ITFG1: variants seen among roughly 807,000 people sequenced by gnomAD.
The protein encoded by ITFG1 is T-cell immunomodulatory protein.
In ITFG1, 34 loss-of-function variants were observed where a neutral mutation model predicts 81.8. That is an observed-to-expected ratio of 0.42 (90% confidence interval 0.32 to 0.55). The LOEUF is 0.55. Among genes scored for constraint, ITFG1 ranks in the 20% least tolerant of loss-of-function variants. ITFG1 has a pLI of 0.17. For missense variants in ITFG1, 672 were observed against 755.4 expected (o/e 0.89, Z 1.29); for synonymous variants, 285 against 270.6 (o/e 1.05, Z -0.52).
chr16:47,230,960 G>C (rs1298660148), intron 13 of ITFG1, among the ~76,000 whole-genome samples: 3 of 152,202 alleles, frequency 2.0e-5, no homozygotes, highest in Non-Finnish European at 4.4e-5. Context: ...GTGTTAGCCA[G>C]GATGGTCTTA....
At chr16:47,349,085 G>A (rs534480029) in intron 8 of ITFG1, among the ~76,000 whole-genome samples, 11 of 152,190 alleles carry the variant, frequency 7.2e-5, no homozygotes, top group African/African-American at 1.9e-4. Context: ...AGGAACAACC[G>A]GTACCAGCCA....
At chr16:47,280,182 G>A (rs1966437094) in intron 10 of ITFG1, among the ~76,000 whole-genome samples, 1 of 152,098 alleles carries the variant, frequency 6.6e-6, no homozygotes, top group African/African-American at 2.4e-5. Flanking sequence ...ACACAAACTT[G>A]CCTTATTCTC....
At chr16:47,394,083 C>G (rs143029775) in intron 6 of ITFG1, among the ~76,000 whole-genome samples, 2 of 152,252 alleles carry the variant, frequency 1.3e-5, no homozygotes, top group Non-Finnish European at 2.9e-5. Context: ...TGCAGAGCAG[C>G]AGGATTTAAG....
chr16:47,380,763 C>A (rs1968386722), intron 6 of ITFG1, among the ~76,000 whole-genome samples: 1 of 152,096 alleles, frequency 6.6e-6, no homozygotes. Context: ...GTTTGTCTTT[C>A]CTGTTTTCAA....
At chr16:47,259,414 A>C (rs185611522) in intron 11 of ITFG1, among the ~76,000 whole-genome samples, 46 of 152,330 alleles carry the variant, frequency 3.0e-4, no homozygotes, top group Non-Finnish European at 4.3e-4. Context: ...AGAAATTAAA[A>C]ATGGATTTGT....
chr16:47,322,715 A>G (rs1967467352), intron 8 of ITFG1, among the ~76,000 whole-genome samples: 1 of 152,164 alleles, frequency 6.6e-6, no homozygotes, highest in African/African-American at 2.4e-5. Flanking sequence ...AAATACGAAT[A>G]CACTGTGGAA....
chr16:47,345,768 A>T (rs764345491), intron 8 of ITFG1, among the ~76,000 whole-genome samples: 1 of 152,230 alleles, frequency 6.6e-6, no homozygotes. Flanking sequence ...TAGAAAAGGT[A>T]CAGCAAAGAA....
intron 7 of ITFG1, among the ~76,000 whole-genome samples, chr16:47,366,469 G>A (rs1273963675): frequency 1.3e-5 from 2 of 152,166 alleles, no homozygotes; most frequent in Non-Finnish European, 1.5e-5. Context: ...AGAAGCAGAG[G>A]TGCCTAAGCT....
At chr16:47,217,257 C>T (rs553553686) in intron 14 of ITFG1, among the ~76,000 whole-genome samples, 147 of 152,236 alleles carry the variant, frequency 9.7e-4, no homozygotes, top group African/African-American at 3.0e-3. Context: ...TACTTGATTA[C>T]GTTAAGTAAG....
At chr16:47,393,330 C>A (rs73543111) in intron 6 of ITFG1, among the ~76,000 whole-genome samples, 1 of 151,914 alleles carries the variant, frequency 6.6e-6, no homozygotes, top group African/African-American at 2.4e-5. Flanking sequence ...ACTAGCAGTG[C>A]GATGCTATGA....
chr16:47,180,026 A>G (rs896918952), intron 14 of ITFG1, among the ~76,000 whole-genome samples: 1 of 152,218 alleles, frequency 6.6e-6, no homozygotes, highest in Non-Finnish European at 1.5e-5. Context: ...TATGTGGTAG[A>G]CAGAAAGAAG....
chr16:47,343,712 T>C (rs1383167641), intron 8 of ITFG1, among the ~76,000 whole-genome samples: 2 of 152,038 alleles, frequency 1.3e-5, no homozygotes, highest in African/African-American at 2.4e-5. Context: ...AACACGTTAG[T>C]GATGATGTGG....
At chr16:47,344,535 A>G (rs1967825748) in intron 8 of ITFG1, among the ~76,000 whole-genome samples, 1 of 152,244 alleles carries the variant, frequency 6.6e-6, no homozygotes, top group African/African-American at 2.4e-5. Context: ...TAATTTATTT[A>G]GCAAGAGTTT....
rs1311347942 is a variant in ITFG1, at chr16:47,441,244, A to T, written c.560+10152T>A. Among the ~76,000 whole-genome samples the T allele has an allele frequency of 5.9e-5, 9 of 152,344 alleles. No homozygotes were observed. The East Asian group carries it at 7.7e-4, about 13-fold the overall frequency. ...GATGGATTCACAGCCAAATTCTACC[A>T]GAGGTACAAGGAGGAGCTGGTAACA... On this transcript the variant is annotated intron_variant, in intron 5 of 17. Coordinates refer to ENST00000320640, the MANE Select transcript of ITFG1 (RefSeq NM_030790.5).
chr16:47,414,061 T>C (rs904284863), intron 6 of ITFG1, among the ~76,000 whole-genome samples: 2 of 151,544 alleles, frequency 1.3e-5, no homozygotes. Context: ...CCTCAGTTGA[T>C]CCACCCACCT....
Position 47,226,233 on chromosome 16 carries a change from C to T in ITFG1, c.1375-7287G>A, listed in dbSNP as rs189378357. On this transcript the variant is annotated intron_variant, in intron 13 of 17. Transcript: ENST00000320640. ...AACTTTTTTGTGTGTGTGTGAGACC[C>T]GAGTCTCGTTTTGTCACCCAGGCTG... Among the ~76,000 whole-genome samples the T allele has an allele frequency of 5.3e-5, 8 of 152,222 alleles. No individual in the cohort carries two copies. The East Asian group carries it at 5.8e-4, about 11-fold the overall frequency.
chr16:47,357,731 T>C (rs1417208365), intron 8 of ITFG1, among the ~76,000 whole-genome samples: 4 of 152,152 alleles, frequency 2.6e-5, no homozygotes, highest in Non-Finnish European at 5.9e-5. Flanking sequence ...GAATTTATTA[T>C]ATGCAAACCT....
At chr16:47,324,875 A>G (rs913378862) in intron 8 of ITFG1, among the ~76,000 whole-genome samples, 1 of 152,190 alleles carries the variant, frequency 6.6e-6, no homozygotes, top group Non-Finnish European at 1.5e-5. Flanking sequence ...ACTCCCACAC[A>G]ATAATAATGG....
At chr16:47,343,007 T>C (rs1256816103) in intron 8 of ITFG1, among the ~76,000 whole-genome samples, 3 of 152,158 alleles carry the variant, frequency 2.0e-5, no homozygotes, top group Admixed American at 1.3e-4. Flanking sequence ...CTCAAATTCA[T>C]GTGGAATTGC....
Sources: gnomAD v4.1 joint callset for allele counts (sites outside exome capture counted in the v4.1 genomes callset) on GRCh38, gnomAD v4.1.1 for gene constraint, MANE v1.5 for transcripts, NCBI Gene and HGNC (gene_info 2026-07-23, HGNC 2026-07-21) for gene names.